The following GPR158 variants were observed in gnomAD, a reference collection of about 807,000 sequenced individuals.
GPR158 encodes the protein metabotropic glycine receptor.
A neutral mutation model predicts 78.2 loss-of-function variants in GPR158; 30 were observed. That is an observed-to-expected ratio of 0.38 (90% confidence interval 0.29 to 0.52). The LOEUF is 0.52. Among genes scored for constraint, GPR158 ranks in the 20% least tolerant of loss-of-function variants. GPR158 has a pLI of 0.83. For synonymous variants in GPR158, 581 were observed against 591.1 expected (o/e 0.98, Z 0.25); for missense variants, 1,463 against 1,523.5 (o/e 0.96, Z 0.66).
At chr10:25,289,406 TTCCAGGC>T (rs1347148185) in intron 2 of GPR158, among the ~76,000 whole-genome samples, 6 of 152,156 alleles carry the variant, frequency 3.9e-5, no homozygotes, top group Non-Finnish European at 8.8e-5. Flanking sequence ...GGAAAAAGCC[TTCCAGGC>T]AAAGGAAGAG....
chr10:25,300,776 C>T (rs1326125944), intron 2 of GPR158, among the ~76,000 whole-genome samples: 1 of 151,934 alleles, frequency 6.6e-6, no homozygotes, highest in Non-Finnish European at 1.5e-5. Flanking sequence ...TTTAAATCAC[C>T]AGGTGACCCC....
chr10:25,485,515 A>G (rs889645912), intron 5 of GPR158, among the ~76,000 whole-genome samples: 1 of 152,092 alleles, frequency 6.6e-6, no homozygotes, highest in Non-Finnish European at 1.5e-5. Context: ...AGAAAAAACA[A>G]GATGCTTTTC....
At chr10:25,212,112 C>A (rs1258851821) in intron 1 of GPR158, among the ~76,000 whole-genome samples, 1 of 152,108 alleles carries the variant, frequency 6.6e-6, no homozygotes, top group Admixed American at 6.6e-5. Context: ...AATGAATTAT[C>A]CCCTTTCAGA....
At chr10:25,454,817 C>T (rs965729812) in intron 4 of GPR158, among the ~76,000 whole-genome samples, 1 of 152,128 alleles carries the variant, frequency 6.6e-6, no homozygotes. Context: ...GACTGTTTAA[C>T]TTATTCTCTA....
At chr10:25,329,865 G>T (rs576300088) in intron 2 of GPR158, among the ~76,000 whole-genome samples, 10 of 152,172 alleles carry the variant, frequency 6.6e-5, no homozygotes, top group African/African-American at 2.4e-4. Flanking sequence ...AGTCAAGACC[G>T]TGTTTCTCTC....
chr10:25,469,899 G>A (rs953750330), intron 5 of GPR158, among the ~76,000 whole-genome samples: 25 of 149,578 alleles, frequency 1.7e-4, no homozygotes, highest in African/African-American at 5.9e-4. Flanking sequence ...TTGTTGCCAT[G>A]TTCTCTTACT....
intron 3 of GPR158, among the ~76,000 whole-genome samples, chr10:25,409,020 G>A (rs575180028): frequency 1.3e-5 from 2 of 152,242 alleles, no homozygotes; most frequent in African/African-American, 2.4e-5. Context: ...ATGGAGACAC[G>A]TTTTCCCCTT....
intron 1 of GPR158, among the ~76,000 whole-genome samples, chr10:25,177,921 G>C (rs1852561679): frequency 6.6e-6 from 1 of 152,078 alleles, no homozygotes; most frequent in Non-Finnish European, 1.5e-5. Flanking sequence ...GATCCTATTA[G>C]TAAGAGCTGA....
rs1837499018 is a variant in GPR158 at position 25,601,591 on chromosome 10, T to A, written c.*2317T>A. The stretch of plus-strand genomic sequence containing the variant: ...TTGCCAAATTATATCTTAGCGACAT[T>A]CTATAGTTCATAGATTATTCTCCAC... On this transcript the variant is annotated 3_prime_UTR_variant, in exon 11 of 11. Transcript: ENST00000376351. The A allele has an allele frequency of 6.6e-6, 1 of 152,622 alleles. No individual in the cohort carries two copies. The highest frequency in any genetic ancestry group is 2.4e-5 in the African/African-American group (1 of 41,446). The allele number at this position is 152,622 out of a possible 1,614,324, so 9.5% of individuals were successfully genotyped here.
chr10:25,417,605 T>A (rs148650793), intron 4 of GPR158, among the ~76,000 whole-genome samples: 1 of 152,278 alleles, frequency 6.6e-6, no homozygotes, highest in East Asian at 1.9e-4. Context: ...ATTCACTGAG[T>A]GAAACCAAAT....
At chr10:25,288,472 G>A (rs1054641906) in intron 2 of GPR158, among the ~76,000 whole-genome samples, 1 of 152,156 alleles carries the variant, frequency 6.6e-6, no homozygotes, top group Admixed American at 6.5e-5. Context: ...TTTAATCACA[G>A]CATTCGATTA....
At chr10:25,322,363 AGAGC>A (rs1854963611) in intron 2 of GPR158, among the ~76,000 whole-genome samples, 1 of 151,444 alleles carries the variant, frequency 6.6e-6, no homozygotes, top group African/African-American at 2.4e-5. Context: ...CCTGGGTGAC[AGAGC>A]GAGACTCCGT....
At chr10:25,444,077 G>A (rs577166411) in intron 4 of GPR158, among the ~76,000 whole-genome samples, 1 of 152,202 alleles carries the variant, frequency 6.6e-6, no homozygotes, top group African/African-American at 2.4e-5. Context: ...TGCAAGTTGT[G>A]ACAATCAAAA....
intron 2 of GPR158, among the ~76,000 whole-genome samples, chr10:25,381,158 A>G (rs1834149141): frequency 6.6e-6 from 1 of 152,230 alleles, no homozygotes; most frequent in Non-Finnish European, 1.5e-5. Flanking sequence ...AGTCAAGGAA[A>G]GAAGTGTTTC....
chr10:25,426,727 A>G (rs1260478762), intron 4 of GPR158, among the ~76,000 whole-genome samples: 2 of 152,124 alleles, frequency 1.3e-5, no homozygotes, highest in Non-Finnish European at 2.9e-5. Flanking sequence ...AACAGATATA[A>G]TAATAATGAA....
chr10:25,338,292 G>T (rs529136036), intron 2 of GPR158, among the ~76,000 whole-genome samples: 1 of 149,558 alleles, frequency 6.7e-6, no homozygotes, highest in Non-Finnish European at 1.5e-5. Context: ...TGAGGTAGGG[G>T]TAAAAACACA....
chr10:25,253,963 T>A (rs542245768), intron 2 of GPR158, among the ~76,000 whole-genome samples: 1 of 152,332 alleles, frequency 6.6e-6, no homozygotes, highest in Non-Finnish European at 1.5e-5. Flanking sequence ...AAAACAACTG[T>A]CTCAGTCTAA....
At chr10:25,308,888 T>C (rs1021254588) in intron 2 of GPR158, among the ~76,000 whole-genome samples, 1 of 152,220 alleles carries the variant, frequency 6.6e-6, no homozygotes, top group African/African-American at 2.4e-5. Context: ...AGAATTTTCT[T>C]CCTTTTAAAG....
chr10:25,334,895 A>C (rs1385682208), intron 2 of GPR158, among the ~76,000 whole-genome samples: 1 of 151,978 alleles, frequency 6.6e-6, no homozygotes, highest in Non-Finnish European at 1.5e-5. Context: ...GTCCTTTCAA[A>C]TGTGTCTTCA....
Sources: gnomAD v4.1 joint callset for allele counts (sites outside exome capture counted in the v4.1 genomes callset) on GRCh38, gnomAD v4.1.1 for gene constraint, MANE v1.5 for transcripts, NCBI Gene and HGNC (gene_info 2026-07-23, HGNC 2026-07-21) for gene names.